PKHD1: variants seen among roughly 807,000 people sequenced by gnomAD.
PKHD1 encodes fibrocystin.
Under a neutral mutation model 412.0 loss-of-function variants are expected in PKHD1, and 291 were observed. The observed-to-expected ratio is 0.71, with a 90% CI of 0.64 to 0.78. The LOEUF is 0.78. Among genes scored for constraint, PKHD1 ranks in the 30% least tolerant of loss-of-function variants. The pLI, the probability that PKHD1 is intolerant of heterozygous loss-of-function variation, is 0.00. For missense variants in PKHD1, 4,825 were observed against 4,950.7 expected, an observed-to-expected ratio of 0.97 and a Z score of 0.76; for synonymous variants, 1,777 against 1,821.5, an observed-to-expected ratio of 0.98 and a Z score of 0.62.
chr6:52,040,364 A>T (rs761552213), intron 27 of PKHD1, among the ~76,000 whole-genome samples: 6 of 152,126 alleles, frequency 3.9e-5, no homozygotes, highest in Non-Finnish European at 7.4e-5. Context: ...AGCCAACATT[A>T]TCTCTCCCCT....
At chr6:51,687,133 G>A (rs1351985711) in intron 60 of PKHD1, among the ~76,000 whole-genome samples, 1 of 152,150 alleles carries the variant, frequency 6.6e-6, no homozygotes, top group African/African-American at 2.4e-5. Context: ...ACTATTTCTA[G>A]TACCCTTCCT....
At chr6:51,864,729 A>T (rs1774767789) in intron 48 of PKHD1, among the ~76,000 whole-genome samples, 1 of 152,182 alleles carries the variant, frequency 6.6e-6, no homozygotes, top group African/African-American at 2.4e-5. Flanking sequence ...ATTTAGCCCA[A>T]TCTATCCAAA....
chr6:51,619,334 A>G lies in PKHD1; in HGVS notation c.11972T>C (p.Val3991Ala), dbSNP rs1324515678. The part of the protein sequence containing the change: ...ICAPGAPAQQ[V>A]YLQETGNWKE... ...CCAGTTCCCAGTCTCTTGCAGGTACACCTGCTGAGCAGGAGCACCTGGAGC... is the reference window on the plus strand; with the variant it reads ...CCAGTTCCCAGTCTCTTGCAGGTACGCCTGCTGAGCAGGAGCACCTGGAGC... Residue 3991 changes from valine (V) to alanine (A), a missense_variant, in exon 67 of 67, where the codon GTG (valine) becomes GCG (alanine). By Grantham distance (64) the Val-to-Ala change is moderately conservative. Coordinates refer to ENST00000371117, the MANE Select transcript of PKHD1 (RefSeq NM_138694.4). The G allele has an allele frequency of 2.5e-6, 4 of 1,614,164 alleles. No individual in the cohort carries two copies. In the Admixed American group the frequency reaches 5.0e-5, roughly 20 times the overall value.
chr6:51,850,607 G>A (rs537314686), intron 49 of PKHD1, among the ~76,000 whole-genome samples: 25 of 151,908 alleles, frequency 1.6e-4, no homozygotes, highest in Non-Finnish European at 3.2e-4. Flanking sequence ...GAGGTCCTTC[G>A]CACTGCTTGT....
intron 52 of PKHD1, among the ~76,000 whole-genome samples, chr6:51,803,648 A>G (rs1331779442): frequency 6.6e-6 from 1 of 151,586 alleles, no homozygotes; most frequent in Admixed American, 6.6e-5. Flanking sequence ...TTTGTCAGAC[A>G]CTGTGATATA....
intron 8 of PKHD1, among the ~76,000 whole-genome samples, chr6:52,071,728 G>C (rs189105296): frequency 7.2e-5 from 11 of 152,260 alleles, no homozygotes; most frequent in Admixed American, 6.5e-4. Flanking sequence ...TGCTCTCTGT[G>C]AGACCTTGTG....
rs147489329 is a variant in PKHD1 at position 51,837,855 on chromosome 6, T to G, written c.8108-1386A>C. Among the ~76,000 whole-genome samples the G allele has an allele frequency of 2.5e-3, 375 of 152,336 alleles. 1 individual carries two copies. Among genetic ancestry groups the G allele is most frequent in the African/African-American group, 8.5e-3 (355 of 41,582 alleles). On this transcript the variant is annotated intron_variant, in intron 50 of 66. Transcript: ENST00000371117. ...TCTCTTTTTAAAATTTTTCTAAGGA[T>G]GTAAAGCATGAGTTTGTGTCTTTCT...
chr6:51,741,263 G>A, intron 60 of PKHD1: 1 of 508,800 alleles, frequency 2.0e-6, no homozygotes, highest in South Asian at 1.4e-5. Context: ...ATTTGTAAGG[G>A]ATGCTTTTGA....
At chr6:51,744,361 G>C in intron 60 of PKHD1, 24 bp downstream of exon 60, 1 of 1,606,242 alleles carries the variant, frequency 6.2e-7, no homozygotes, top group Non-Finnish European at 8.5e-7. Flanking sequence ...TCTACCACAG[G>C]CATTGCATTC....
Position 51,647,423 on chromosome 6 carries a change from A to C in PKHD1, c.11398+608T>G, listed in dbSNP as rs142345930. ...CCTAGTAGAAATCTGCATTTTAAATAGATTTTCATATAAATGAGCTTCAAG... is the reference window on the plus strand; with the variant it reads ...CCTAGTAGAAATCTGCATTTTAAATCGATTTTCATATAAATGAGCTTCAAG... On this transcript the variant is annotated intron_variant, in intron 63 of 66. Coordinates refer to ENST00000371117, the MANE Select transcript of PKHD1 (RefSeq NM_138694.4). 3.7e-3 allele frequency among the ~76,000 whole-genome samples: 567 copies of C among 152,294 alleles called. 3 individuals carry two copies. Among genetic ancestry groups the C allele is most frequent in the African/African-American group, 0.013 (548 of 41,570 alleles).
intron 60 of PKHD1, among the ~76,000 whole-genome samples, chr6:51,664,917 A>G (rs1489048251): frequency 6.6e-6 from 1 of 152,286 alleles, no homozygotes; most frequent in East Asian, 1.9e-4. Context: ...GTTAATAATT[A>G]GTATCTTCTT....
At chr6:52,013,278 A>G (rs1488167945) in intron 34 of PKHD1, among the ~76,000 whole-genome samples, 1 of 152,212 alleles carries the variant, frequency 6.6e-6, no homozygotes, top group Admixed American at 6.5e-5. Context: ...CCTGTTAGGA[A>G]CACACTGTTT....
intron 23 of PKHD1, among the ~76,000 whole-genome samples, chr6:52,047,123 T>C (rs982812215): frequency 1.8e-4 from 28 of 152,230 alleles, no homozygotes; most frequent in African/African-American, 6.8e-4. Flanking sequence ...CCCAGTTGTT[T>C]TGCAGGCGGT....
At chr6:52,050,452 C>T (rs997943643) in intron 21 of PKHD1, among the ~76,000 whole-genome samples, 157 bp from the exon 22 acceptor site, 2 of 152,174 alleles carry the variant, frequency 1.3e-5, no homozygotes, top group African/African-American at 4.8e-5. Flanking sequence ...ATGGAGAGGA[C>T]GCAGGAGGAT....
intron 43 of PKHD1, among the ~76,000 whole-genome samples, chr6:51,901,608 C>T (rs992187439): frequency 6.7e-6 from 1 of 148,220 alleles, no homozygotes; most frequent in Non-Finnish European, 1.5e-5. Context: ...CAGCATGGCA[C>T]ATGTATACAT....
At chr6:51,695,738 A>G (rs1362011218) in intron 60 of PKHD1, among the ~76,000 whole-genome samples, 1 of 152,222 alleles carries the variant, frequency 6.6e-6, no homozygotes, top group East Asian at 1.9e-4. Context: ...ATATATGTGA[A>G]TATCTCTGAA....
Position 51,855,924 on chromosome 6 carries a change from G to C in PKHD1, c.7880C>G (p.Ser2627Cys). The C allele has an allele frequency of 6.2e-7, 1 of 1,614,044 alleles. No individual in the cohort carries two copies. Among genetic ancestry groups the C allele is most frequent in the African/African-American group, 1.3e-5 (1 of 75,056 alleles). Residue 2627 changes from serine (S) to cysteine (C), a missense_variant, in exon 49 of 67, where the codon TCT becomes TGT. By Grantham distance (112) the Ser-to-Cys change is moderately radical. Transcript: ENST00000371117. ...AGATCTGTTGATCCAAAGGTTCTCA[G>C]ATTGCAATGAGTAGGTCTCTTGGTC... ...LLDQETYSLQSENLWINRSLQ... is the reference protein window; with the variant it reads ...LLDQETYSLQCENLWINRSLQ...
At chr6:51,694,837 A>G (rs762234179) in intron 60 of PKHD1, among the ~76,000 whole-genome samples, 29 of 152,028 alleles carry the variant, frequency 1.9e-4, no homozygotes, top group Non-Finnish European at 3.7e-4. Flanking sequence ...ATCACTTCTG[A>G]CCCACAGAAG....
chr6:51,890,215 C>A (rs1172954997), intron 43 of PKHD1, among the ~76,000 whole-genome samples: 1 of 151,946 alleles, frequency 6.6e-6, no homozygotes, highest in East Asian at 1.9e-4. Flanking sequence ...AGTCACAGAG[C>A]AAATAGTTGT....
Sources: allele counts gnomAD v4.1 joint callset (sites outside exome capture counted in the v4.1 genomes callset), GRCh38; gene constraint gnomAD v4.1.1; transcripts MANE v1.5; gene names NCBI Gene and HGNC (gene_info 2026-07-23, HGNC 2026-07-21).